The following ECI1 variants were observed in gnomAD, a reference collection of about 807,000 sequenced individuals.
ECI1 encodes the protein enoyl-CoA delta isomerase 1, mitochondrial.
ECI1 carries 34 observed loss-of-function variants against 34.2 expected under a neutral mutation model. The observed-to-expected ratio is 1.00, with a 90% CI of 0.76 to 1.33. The LOEUF is 1.33. ECI1 is among the 40% of genes most tolerant of loss of function. The pLI, the probability that ECI1 is intolerant of heterozygous loss-of-function variation, is 0.00. For missense variants in ECI1, 456 were observed against 422.2 expected, an observed-to-expected ratio of 1.08 and a Z score of -0.70; for synonymous variants, 211 against 193.0, an observed-to-expected ratio of 1.09 and a Z score of -0.77.
In ECI1 at chr16:2,239,871, A is replaced by G; in HGVS notation, c.*108T>C. On this transcript the variant is annotated 3_prime_UTR_variant, in exon 7 of 7. Transcript: ENST00000301729. ...GGAACAGGAACTTCTACGTAACATCAGCAAAATGAAACGCTGGCAGTACTT... is the reference window on the plus strand; with the variant it reads ...GGAACAGGAACTTCTACGTAACATCGGCAAAATGAAACGCTGGCAGTACTT... The G allele has an allele frequency of 8.0e-7, 1 of 1,249,598 alleles. No homozygotes were observed. Among genetic ancestry groups the G allele is most frequent in the Non-Finnish European group, 1.2e-6 (1 of 852,660 alleles). 77.4% of individuals were successfully genotyped at this position (1,249,598 alleles called of 1,614,324 possible).
At chr16:2,247,086 G>A in intron 2 of ECI1, 100 bp from the exon 3 acceptor site, 1 of 1,411,946 alleles carries the variant, frequency 7.1e-7, no homozygotes, top group Non-Finnish European at 9.7e-7. Context: ...GTGCATTTTG[G>A]GGGTTTTATT....
At chr16:2,245,690 A>AC (rs796836802) in intron 3 of ECI1, among the ~76,000 whole-genome samples, 18 of 151,822 alleles carry the variant, frequency 1.2e-4, no homozygotes, top group African/African-American at 4.4e-4. Flanking sequence ...ACATAGCAAG[A>AC]CCCCGCCTGT....
At chr16:2,240,224 T>A (rs577785679) in intron 6 of ECI1, 79 bp from the exon 7 acceptor site, 136 of 1,481,220 alleles carry the variant, frequency 9.2e-5, no homozygotes, top group African/African-American at 5.4e-4. Flanking sequence ...TTTATTTTTA[T>A]TTTTTGAGAC....
rs1192916118 is a variant in ECI1, at chr16:2,251,368, GCCGTCTCCGCCGCCGGCCGCCCGCT to G, written c.89_113del (p.Glu30AlafsTer22). 11 of 1,245,674 alleles carry G rather than the reference GCCGTCTCCGCCGCCGGCCGCCCGCT, an allele frequency of 8.8e-6. 1 individual carries two copies. Among genetic ancestry groups the G allele is most frequent in the Non-Finnish European group, 9.0e-6 (9 of 996,670 alleles). 77.2% of individuals were successfully genotyped at this position (1,245,674 alleles called of 1,614,324 possible). ...CCCGCTGGCTCCCGAAGCGCCGCGCGCCGTCTCCGCCGCCGGCCGCCCGCTCCGTCCGCCCGAGGGCCGCGCCCGG... is the reference window on the plus strand; with the variant it reads ...CCCGCTGGCTCCCGAAGCGCCGCGCGCCGTCCGCCCGAGGGCCGCGCCCGG... On this transcript the variant is annotated frameshift_variant, in exon 2 of 7. Coordinates refer to ENST00000301729, the MANE Select transcript of ECI1 (RefSeq NM_001919.4). LOFTEE classifies it high-confidence loss of function.
intron 3 of ECI1, 28 bp downstream of exon 3, chr16:2,246,831 T>C: frequency 3.1e-6 from 5 of 1,611,526 alleles, no homozygotes; most frequent in South Asian, 1.1e-5. Context: ...GAACTCGGGC[T>C]GGGGTAGGGA....
chr16:2,245,166 C>A (rs1303455332), intron 3 of ECI1, among the ~76,000 whole-genome samples: 1 of 152,134 alleles, frequency 6.6e-6, no homozygotes, highest in African/African-American at 2.4e-5. Context: ...AGTGGAGAAC[C>A]CACCCTGGGG....
chr16:2,244,123 A>G (rs1364422917), intron 4 of ECI1: 4 of 522,126 alleles, frequency 7.7e-6, no homozygotes, highest in Non-Finnish European at 1.4e-5. Context: ...CCACTCACCC[A>G]CACAGCCTCC....
chr16:2,251,486 C>A, intron 1 of ECI1, 29 bp downstream of exon 1: 1 of 1,553,538 alleles, frequency 6.4e-7, no homozygotes. Context: ...CGGCCCCGGC[C>A]CGATCCCTGC....
chr16:2,245,238 G>A (rs1203928468), intron 3 of ECI1, among the ~76,000 whole-genome samples: 1 of 152,174 alleles, frequency 6.6e-6, no homozygotes, highest in East Asian at 1.9e-4. Flanking sequence ...TGCACAACAC[G>A]GCACGTTTTC....
At chr16:2,248,345 C>T (rs1038393957) in intron 2 of ECI1, among the ~76,000 whole-genome samples, 12 of 151,918 alleles carry the variant, frequency 7.9e-5, no homozygotes, top group Admixed American at 2.6e-4. Flanking sequence ...GTGAACACCT[C>T]GCCTCGGCCT....
rs114939404 is a variant in ECI1 at position 2,239,964 on chromosome 16, G to A, written c.*15C>T. 2.5e-6 allele frequency: 4 copies of A among 1,613,314 alleles called. No individual in the cohort carries two copies. In the African/African-American group the frequency reaches 4.0e-5, roughly 16 times the overall value. ...CAGGGGCACGTGTGGCCGTAAGCCT[G>A]TGGCAGCCCAATCGTTAGCCTTTTT... is the stretch of plus-strand genomic sequence containing the variant. On this transcript the variant is annotated 3_prime_UTR_variant, in exon 7 of 7. Transcript: ENST00000301729.
rs1270785410 is a variant in ECI1, at chr16:2,241,628, AAAG to A, written c.742+1415_742+1417del. 4 of 152,256 alleles carry A rather than the reference AAAG, an allele frequency of 2.6e-5. 1 individual carries two copies. Among genetic ancestry groups the A allele is most frequent in the African/African-American group, 7.2e-5 (3 of 41,528 alleles). 9.4% of individuals were successfully genotyped at this position (152,256 alleles called of 1,614,324 possible). ...TACATTTTTGAATAGTTGAAAATCA[AAAG>A]AAGGTTAGTATTTTGTGACATGTGA... On this transcript the variant is annotated intron_variant, in intron 6 of 6. Coordinates refer to ENST00000301729, the MANE Select transcript of ECI1 (RefSeq NM_001919.4).
chr16:2,239,817 TGGCTG>T lies in ECI1; in HGVS notation c.*157_*161del, dbSNP rs2093523431. On this transcript the variant is annotated 3_prime_UTR_variant, in exon 7 of 7. Transcript: ENST00000301729. ...ACAGGCACCCATGTGTGTTTGTGTG[TGGCTG>T]GGCCTTGGGCCACTGGGCTATGAGG... 81 of 746,238 alleles carry T rather than the reference TGGCTG, an allele frequency of 1.1e-4. 1 individual carries two copies. The South Asian group carries it at 1.3e-3, about 12-fold the overall frequency. 46.2% of individuals were successfully genotyped at this position (746,238 alleles called of 1,614,324 possible).
At chr16:2,246,814 A>G (rs774317342) in intron 3 of ECI1, 45 bp downstream of exon 3, 4 of 1,610,864 alleles carry the variant, frequency 2.5e-6, no homozygotes, top group Non-Finnish European at 3.4e-6. Context: ...CAGAGAACTC[A>G]GGCCAAGAAC....
chr16:2,245,925 A>T (rs1356181767), intron 3 of ECI1, among the ~76,000 whole-genome samples: 2 of 152,016 alleles, frequency 1.3e-5, no homozygotes, highest in Admixed American at 1.3e-4. Flanking sequence ...AGATCACGTC[A>T]CTGTACTCCA....
rs1269068103 is a variant in ECI1 at position 2,244,441 on chromosome 16, A to G, written c.406T>C (p.Tyr136His). Residue 136 changes from tyrosine (Y) to histidine (H), a missense_variant, in exon 4 of 7, where the codon TAC becomes CAC. Tyr to His is a moderately conservative substitution (Grantham distance 83). Transcript: ENST00000301729. ...KAVQELWLRLYQSNLVLVSAI... is the reference protein window; with the variant it reads ...KAVQELWLRLHQSNLVLVSAI... ...GAGACCAGCACCAGGTTGGACTGGTACAACCGCAGCCACAGCTCCTGAACG... is the reference window on the plus strand; with the variant it reads ...GAGACCAGCACCAGGTTGGACTGGTGCAACCGCAGCCACAGCTCCTGAACG... 6 of 1,612,306 alleles carry G rather than the reference A, an allele frequency of 3.7e-6. No homozygotes were observed. The South Asian group carries it at 6.6e-5, about 18-fold the overall frequency.
chr16:2,249,876 C>CAAAAAAAAAAAAAA (rs869259386), intron 2 of ECI1, among the ~76,000 whole-genome samples: 6 of 20,348 alleles, frequency 2.9e-4, no homozygotes, highest in Admixed American at 8.6e-4. Flanking sequence ...GACTCCGTCT[C>CAAAAAAAAAAAAAA]AAAAAAAAAA....
chr16:2,242,048 C>T (rs1858362390), intron 6 of ECI1, among the ~76,000 whole-genome samples: 1 of 152,076 alleles, frequency 6.6e-6, no homozygotes, highest in South Asian at 2.1e-4. Context: ...TTAGTAGAGA[C>T]AGGGTTTCAC....
In ECI1 at chr16:2,243,065, G is replaced by T; in HGVS notation, c.723C>A (p.Ala241=). Residue 241 remains alanine, a synonymous_variant, in exon 6 of 7, where the codon GCC becomes GCA. Transcript: ENST00000301729. The stretch of plus-strand genomic sequence containing the variant: ...CCTCACCTGGAATGGCCATCCACTG[G>T]GCTATCGCTGACAGCGCAGTGCTCT... ...QVQSTALSAI[A]QWMAIPDHAR... is the part of the protein sequence containing the mutation. The T allele has an allele frequency of 6.2e-7, 1 of 1,603,718 alleles. No homozygotes were observed.
Sources: allele counts gnomAD v4.1 joint callset (sites outside exome capture counted in the v4.1 genomes callset), GRCh38; gene constraint gnomAD v4.1.1; transcripts MANE v1.5; gene names NCBI Gene and HGNC (gene_info 2026-07-23, HGNC 2026-07-21).